MBNL3: variants seen among roughly 807,000 people sequenced by gnomAD.
MBNL3 encodes the protein muscleblind like splicing regulator 3, also known as muscleblind-like protein 3.
In MBNL3, 6 loss-of-function variants were observed where a neutral mutation model predicts 24.5. The ratio of observed to expected loss-of-function variants is 0.25; its 90% CI spans 0.13 to 0.48. MBNL3 has a LOEUF of 0.48. Among genes scored for constraint, MBNL3 ranks in the 20% least tolerant of loss-of-function variants. The probability of loss-of-function intolerance (pLI) is 0.99; values close to 1 mark genes in which losing one functional copy is unlikely to be tolerated. For synonymous variants in MBNL3, 100 were observed against 101.7 expected (o/e 0.98, Z 0.10); for missense variants, 230 against 293.5 (o/e 0.78, Z 1.58).
At chrX:132,400,681 C>G (rs1326739303) in intron 3 of MBNL3, among the ~76,000 whole-genome samples, 1 of 111,856 alleles carries the variant, frequency 8.9e-6, no homozygotes, top group Admixed American at 9.5e-5. Context: ...AGGGTAAGTA[C>G]ACCTTAAAAA....
intron 2 of MBNL3, among the ~76,000 whole-genome samples, chrX:132,429,293 G>A (rs1944549422): frequency 8.9e-6 from 1 of 112,347 alleles, no homozygotes; most frequent in Admixed American, 9.4e-5. Context: ...TTGTACTAAT[G>A]AGTATATAAC....
Position 132,420,189 on chromosome X carries a change from G to C in MBNL3, c.178-13797C>G, listed in dbSNP as rs145613886. On this transcript the variant is annotated intron_variant, in intron 2 of 8. Transcript: ENST00000370853. ...AGAACCGTGGAACCCAGCAACTAGT[G>C]TTCAGCTCGATTAGGACGAATCCGG... 5.8e-3 allele frequency among the ~76,000 whole-genome samples: 653 copies of C among 112,061 alleles called. 7 individuals carry two copies. Among genetic ancestry groups the C allele is most frequent in the African/African-American group, 0.02 (630 of 30,847 alleles).
chrX:132,400,508 A>C (rs763633010), intron 3 of MBNL3, among the ~76,000 whole-genome samples: 4 of 111,941 alleles, frequency 3.6e-5, no homozygotes, highest in Non-Finnish European at 7.5e-5. Context: ...GTGGGGTCTG[A>C]AGCTTAGACC....
intron 1 of MBNL3, among the ~76,000 whole-genome samples, chrX:132,446,025 T>A (rs1945696309): frequency 9.0e-6 from 1 of 111,437 alleles, no homozygotes; most frequent in Non-Finnish European, 1.9e-5. Context: ...AACTCCCACT[T>A]ATGAGTGAAA....
intron 1 of MBNL3, among the ~76,000 whole-genome samples, chrX:132,457,359 T>C (rs1398659879): frequency 9.0e-6 from 1 of 111,194 alleles, no homozygotes; most frequent in African/African-American, 3.3e-5. Flanking sequence ...CCAACATATA[T>C]GGAAAGTAAG....
chrX:132,462,993 C>T (rs1235085968), intron 1 of MBNL3, among the ~76,000 whole-genome samples: 1 of 111,173 alleles, frequency 9.0e-6, no homozygotes, highest in Non-Finnish European at 1.9e-5. Context: ...TTTTAATAAA[C>T]AAAAAAATTT....
chrX:132,419,744 T>C (rs940371199), intron 2 of MBNL3, among the ~76,000 whole-genome samples: 1 of 112,201 alleles, frequency 8.9e-6, no homozygotes, highest in Non-Finnish European at 1.9e-5. Flanking sequence ...GTGCTTCAAA[T>C]GTACAAGTCA....
intron 1 of MBNL3, among the ~76,000 whole-genome samples, chrX:132,445,013 G>T (rs1945624503): frequency 9.0e-6 from 1 of 111,458 alleles, no homozygotes; most frequent in Non-Finnish European, 1.9e-5. Flanking sequence ...CCACAAACCA[G>T]CACATAACAA....
intron 2 of MBNL3, among the ~76,000 whole-genome samples, chrX:132,409,645 A>G (rs1465960823): frequency 1.9e-5 from 2 of 107,475 alleles, no homozygotes; most frequent in African/African-American, 6.7e-5. Flanking sequence ...GTATCAGAGC[A>G]TGCCTTAAAC....
Position 132,386,766 on chromosome X carries a change from G to A in MBNL3, c.817C>T (p.Leu273=). The stretch of plus-strand genomic sequence containing the variant: ...GGGGTGGCACCATTGGGCTTTTCCA[G>A]TGCTGATCTCTTTGGTATCAGTTGC... The part of the protein sequence containing the change: ...TLQLIPKRSA[L]EKPNGATPVF... Residue 273 remains leucine (L), a synonymous_variant, in exon 6 of 9, where the codon CTG becomes TTG. Transcript: ENST00000370853. 8.3e-7 allele frequency: 1 copy of A among 1,211,394 alleles called. No homozygotes were observed.
rs1017308275 is a variant in MBNL3 at position 132,377,171 on chromosome X, T to G, written c.*2495A>C. The G allele has an allele frequency of 2.7e-5, 3 of 111,744 alleles. No individual in the cohort carries two copies. The highest frequency in any genetic ancestry group is 9.7e-5 in the African/African-American group (3 of 30,777). 9.2% of individuals were successfully genotyped at this position (111,744 alleles called of 1,213,427 possible). A position where few individuals can be genotyped will look rare whatever the true frequency, so the allele number is the denominator to read the frequency against. Reference sequence around the variant, plus strand: ...GTTCTTGTCTCCTTTAAGGAATATATCCAGACTAGCTCAGGTGCATCCCTC... The same window carrying G: ...GTTCTTGTCTCCTTTAAGGAATATAGCCAGACTAGCTCAGGTGCATCCCTC... On this transcript the variant is annotated 3_prime_UTR_variant, in exon 9 of 9. Coordinates refer to ENST00000370853, the MANE Select transcript of MBNL3 (RefSeq NM_001386889.1).
At chrX:132,445,456 G>A (rs751757152) in intron 1 of MBNL3, among the ~76,000 whole-genome samples, 18 of 110,620 alleles carry the variant, frequency 1.6e-4, no homozygotes, top group Admixed American at 5.8e-4. Flanking sequence ...AAAAATTGTC[G>A]TAAAAAATAA....
intron 2 of MBNL3, among the ~76,000 whole-genome samples, chrX:132,414,786 G>A (rs1394981568): frequency 3.6e-5 from 4 of 110,770 alleles, no homozygotes; most frequent in Non-Finnish European, 7.5e-5. Context: ...GTTGTATGGT[G>A]TTTTACAGGT....
At position 132,382,290 on chromosome X, in the gene MBNL3, T is replaced by C. The variant is rs772508535; in HGVS notation, c.959-18A>G. On this transcript the variant is annotated intron_variant, in intron 7 of 8. Transcript: ENST00000370853. ...CATGGGCACTTTCAGTTGAAAACCATAGAAGCAACACACGGGAGGGTAGAG... is the reference window on the plus strand; with the variant it reads ...CATGGGCACTTTCAGTTGAAAACCACAGAAGCAACACACGGGAGGGTAGAG... The C allele has an allele frequency of 2.6e-6, 3 of 1,151,731 alleles. No individual in the cohort carries two copies. The highest frequency in any genetic ancestry group is 3.8e-5 in the South Asian group (2 of 52,605). 94.9% of individuals were successfully genotyped at this position (1,151,731 alleles called of 1,213,427 possible).
rs1933915415 is a variant in MBNL3 at position 132,374,295 on chromosome X, T to TGTGTGTGTGTGCACAC, written c.*5370_*5371insGTGTGCACACACACAC. 9.0e-6 allele frequency: 1 copy of TGTGTGTGTGTGCACAC among 110,995 alleles called. No homozygotes were observed. The highest frequency in any genetic ancestry group is 3.8e-4 in the South Asian group (1 of 2,651). 9.1% of individuals were successfully genotyped at this position (110,995 alleles called of 1,213,427 possible). On this transcript the variant is annotated 3_prime_UTR_variant, in exon 9 of 9. Coordinates refer to ENST00000370853, the MANE Select transcript of MBNL3 (RefSeq NM_001386889.1). The stretch of plus-strand genomic sequence containing the variant: ...CTAGAAACTGCCCGGTGTGTGTGTG[T>TGTGTGTGTGTGCACAC]GTGTGTGTGTGTGCACACGTGTGTG...
chrX:132,457,159 T>C (rs1261056761), intron 1 of MBNL3, among the ~76,000 whole-genome samples: 2 of 111,554 alleles, frequency 1.8e-5, no homozygotes, highest in African/African-American at 3.3e-5. Flanking sequence ...AAATTTACTA[T>C]ATCAAAATCT....
chrX:132,389,886 C>T (rs1936808618), intron 5 of MBNL3, among the ~76,000 whole-genome samples: 1 of 110,810 alleles, frequency 9.0e-6, no homozygotes, highest in Non-Finnish European at 1.9e-5. Context: ...TGGCTTTCTA[C>T]AGCAACTTAA....
At chrX:132,410,040 A>T (rs1453387905) in intron 2 of MBNL3, among the ~76,000 whole-genome samples, 1 of 111,752 alleles carries the variant, frequency 8.9e-6, no homozygotes, top group Non-Finnish European at 1.9e-5. Flanking sequence ...AAATGCACTC[A>T]AAAAGCAGCA....
At chrX:132,389,199 C>T (rs954165991) in intron 5 of MBNL3, among the ~76,000 whole-genome samples, 1 of 112,242 alleles carries the variant, frequency 8.9e-6, no homozygotes, top group Non-Finnish European at 1.9e-5. Context: ...CATTCATTAA[C>T]AGATTATGTT....
Sources: gnomAD v4.1 joint callset for allele counts (sites outside exome capture counted in the v4.1 genomes callset) on GRCh38, gnomAD v4.1.1 for gene constraint, MANE v1.5 for transcripts, NCBI Gene and HGNC (gene_info 2026-07-23, HGNC 2026-07-21) for gene names.